Variants in ASB9 observed in about 807,000 individuals in gnomAD.
ASB9 encodes the protein ankyrin repeat and SOCS box containing 9.
A neutral mutation model predicts 16.6 loss-of-function variants in ASB9; 5 were observed. That is an observed-to-expected ratio of 0.30 (90% CI 0.16 to 0.63). The LOEUF (loss-of-function observed/expected upper bound fraction) is 0.63, where lower values mean the gene tolerates loss of function less well. ASB9 is among the 30% of genes least tolerant of loss of function. The probability of loss-of-function intolerance (pLI) is 0.82; values close to 1 mark genes in which losing one functional copy is unlikely to be tolerated. For missense variants in ASB9, 216 were observed against 229.4 expected, an observed-to-expected ratio of 0.94 and a Z score of 0.38; for synonymous variants, 100 against 86.4, an observed-to-expected ratio of 1.16 and a Z score of -0.87.
chrX:15,268,295 G>A (rs1926701887), intron 1 of ASB9, among the ~76,000 whole-genome samples: 1 of 102,188 alleles, frequency 9.8e-6, no homozygotes, highest in Non-Finnish European at 2.0e-5. Context: ...TCTCGCCATT[G>A]CACTCCAGCC....
At chrX:15,262,687 A>C (rs1208246882) in intron 1 of ASB9, among the ~76,000 whole-genome samples, 4 of 112,753 alleles carry the variant, frequency 3.5e-5, no homozygotes, top group African/African-American at 1.3e-4. Context: ...GCTGGAGTAC[A>C]GTGGGGCAAT....
upstream of ASB9, chrX:15,270,095 CA>C: frequency 3.3e-6 from 1 of 301,216 alleles, no homozygotes; most frequent in Non-Finnish European, 5.7e-6. Context: ...CACACACACA[CA>C]CACACACACA....
chrX:15,249,618 G>C (rs760150074), intron 5 of ASB9, among the ~76,000 whole-genome samples: 14 of 112,350 alleles, frequency 1.2e-4, no homozygotes, highest in Non-Finnish European at 2.4e-4. Context: ...CATCCCTCTG[G>C]TAAAATGAAA....
At chrX:15,247,464 C>T (rs997070298) in intron 6 of ASB9, among the ~76,000 whole-genome samples, 1 of 111,885 alleles carries the variant, frequency 8.9e-6, no homozygotes, top group Non-Finnish European at 1.9e-5. Flanking sequence ...CATATACATC[C>T]TACATTAACG....
chrX:15,266,691 C>T (rs1442364546), intron 1 of ASB9, among the ~76,000 whole-genome samples: 1 of 111,800 alleles, frequency 8.9e-6, no homozygotes, highest in African/African-American at 3.3e-5. Context: ...AATCCCAGCA[C>T]TTTGGGAGGC....
chrX:15,269,139 C>A (rs978347495), intron 1 of ASB9, among the ~76,000 whole-genome samples: 1 of 111,759 alleles, frequency 8.9e-6, no homozygotes, highest in Non-Finnish European at 1.9e-5. Context: ...TATTACTAAC[C>A]AATATACTAT....
intron 1 of ASB9, among the ~76,000 whole-genome samples, chrX:15,266,842 A>G (rs1926446103): frequency 9.3e-6 from 1 of 107,964 alleles, no homozygotes; most frequent in South Asian, 4.1e-4. Context: ...AGGCTGAGGC[A>G]GGAGAATGGC....
At chrX:15,248,257 G>C (rs1397773154) in intron 6 of ASB9, among the ~76,000 whole-genome samples, 1 of 109,296 alleles carries the variant, frequency 9.1e-6, no homozygotes, top group Non-Finnish European at 1.9e-5. Flanking sequence ...CTTATCATTG[G>C]TTAATTTATA....
intron 6 of ASB9, among the ~76,000 whole-genome samples, chrX:15,245,018 T>G (rs1241983367): frequency 8.9e-6 from 1 of 112,311 alleles, no homozygotes; most frequent in Non-Finnish European, 1.9e-5. Context: ...GCAAACATTT[T>G]TATTTTATAA....
In ASB9 at chrX:15,244,644, A is replaced by G. The variant is rs746540788; in HGVS notation, c.761-14T>C. ...AAGAAGGGGGCCCTGGAGAAAGATC[A>G]TAAGACAAGTCATACAATGGTGCTA... On this transcript the variant is annotated splice_polypyrimidine_tract_variant and intron_variant, in intron 6 of 6. Coordinates refer to ENST00000380488, the MANE Select transcript of ASB9 (RefSeq NM_001031739.3). 2.5e-6 allele frequency: 3 copies of G among 1,194,281 alleles called. No individual in the cohort carries two copies. Among genetic ancestry groups the G allele is most frequent in the South Asian group, 1.8e-5 (1 of 55,015 alleles).
chrX:15,254,888 G>C (rs1049020013), intron 2 of ASB9, 44 bp from the exon 3 acceptor site: 3 of 1,066,626 alleles, frequency 2.8e-6, no homozygotes, highest in Non-Finnish European at 3.9e-6. Context: ...CAAAGCAACA[G>C]TGCCCTGGGG....
chrX:15,268,035 T>C (rs965087544), intron 1 of ASB9, among the ~76,000 whole-genome samples: 1 of 111,261 alleles, frequency 9.0e-6, no homozygotes, highest in African/African-American at 3.3e-5. Flanking sequence ...AGTAGATTAA[T>C]AAACCCTGAC....
intron 1 of ASB9, among the ~76,000 whole-genome samples, chrX:15,267,857 C>G (rs1926657548): frequency 9.1e-6 from 1 of 110,130 alleles, no homozygotes; most frequent in African/African-American, 3.3e-5. Context: ...GCTGATTAAT[C>G]CAGTTCTGCC....
intron 1 of ASB9, among the ~76,000 whole-genome samples, chrX:15,263,591 T>TCTCTCTC (rs1491559802): frequency 5.1e-5 from 1 of 19,722 alleles, no homozygotes; most frequent in Admixed American, 5.0e-4. Context: ...CTCTCTCTTC[T>TCTCTCTC]CTCTCTCTCT....
In ASB9 at chrX:15,246,736, CAA is replaced by C. The variant is rs771582326; in HGVS notation, c.760+2006_760+2007del. 5.4e-5 allele frequency among the ~76,000 whole-genome samples: 6 copies of C among 111,261 alleles called. No individual in the cohort carries two copies. In the South Asian group the frequency reaches 2.3e-3, roughly 43 times the overall value. On this transcript the variant is annotated intron_variant, in intron 6 of 6. Coordinates refer to ENST00000380488, the MANE Select transcript of ASB9 (RefSeq NM_001031739.3). ...TCATGATCCACCCACCTTGGCCTCC[CAA>C]AGTGTGGAGATTACAGGCGTGAGCC...
At chrX:15,270,206 G>C, upstream of ASB9, 1 of 178,155 alleles carries the variant, frequency 5.6e-6, no homozygotes, top group Non-Finnish European at 1.0e-5. Context: ...TTCCCAAACT[G>C]AGACCAATCA....
At chrX:15,264,971 A>C (rs977340968) in intron 1 of ASB9, among the ~76,000 whole-genome samples, 2 of 111,730 alleles carry the variant, frequency 1.8e-5, no homozygotes, top group African/African-American at 6.5e-5. Flanking sequence ...TGTGACTTCT[A>C]CTTCTTTGAA....
At chrX:15,268,521 G>A (rs1309412292) in intron 1 of ASB9, among the ~76,000 whole-genome samples, 1 of 99,124 alleles carries the variant, frequency 1.0e-5, no homozygotes, top group Non-Finnish European at 2.0e-5. Context: ...CGCCTCCCGG[G>A]TTCAAGTGAT....
rs1477371848 is a variant in ASB9 at position 15,269,099 on chromosome X, G to A, written c.94+682C>T. 2.7e-5 allele frequency among the ~76,000 whole-genome samples: 3 copies of A among 111,894 alleles called. No homozygotes were observed. The East Asian group carries it at 8.4e-4, about 31-fold the overall frequency. On this transcript the variant is annotated intron_variant, in intron 1 of 6. Transcript: ENST00000380488. The stretch of plus-strand genomic sequence containing the variant: ...GAAAGGACGTGACATCAGCAAGTTT[G>A]CAGACTTGGGGCTGGAGAGTTAACC...
Sources: allele counts gnomAD v4.1 joint callset (sites outside exome capture counted in the v4.1 genomes callset), GRCh38; gene constraint gnomAD v4.1.1; transcripts MANE v1.5; gene names NCBI Gene and HGNC (gene_info 2026-07-23, HGNC 2026-07-21).